GFRAL: variants seen among roughly 807,000 people sequenced by gnomAD.
The protein encoded by GFRAL is GDNF family receptor alpha like.
Under a neutral mutation model 45.4 loss-of-function variants are expected in GFRAL, and 36 were observed. The observed-to-expected ratio is 0.79, with a 90% confidence interval of 0.61 to 1.05. The LOEUF (loss-of-function observed/expected upper bound fraction) is 1.05, where lower values mean the gene tolerates loss of function less well. Among genes scored for constraint, GFRAL ranks in the 50% least tolerant of loss-of-function variants. GFRAL has a pLI of 0.00. For synonymous variants in GFRAL, 166 were observed against 154.1 expected (o/e 1.08, Z -0.57); for missense variants, 507 against 467.5 (o/e 1.08, Z -0.78).
At chr6:55,376,948 T>C (rs912367135) in intron 6 of GFRAL, among the ~76,000 whole-genome samples, 2 of 151,948 alleles carry the variant, frequency 1.3e-5, no homozygotes, top group African/African-American at 4.8e-5. Context: ...GTAGTCGGCT[T>C]TTTCAATGTT....
intron 5 of GFRAL, among the ~76,000 whole-genome samples, chr6:55,358,286 A>C (rs569265964): frequency 1.2e-3 from 183 of 152,092 alleles, no homozygotes; most frequent in African/African-American, 3.8e-3. Flanking sequence ...CATTAATAAA[A>C]ATATATTCTT....
chr6:55,400,808 G>A (rs991536592), intron 8 of GFRAL, among the ~76,000 whole-genome samples: 5 of 152,138 alleles, frequency 3.3e-5, no homozygotes, highest in African/African-American at 1.2e-4. Context: ...TTAAGTACTT[G>A]AGAACACTGT....
intron 6 of GFRAL, among the ~76,000 whole-genome samples, chr6:55,375,228 C>A (rs980055772): frequency 1.3e-5 from 2 of 152,102 alleles, no homozygotes; most frequent in Non-Finnish European, 2.9e-5. Flanking sequence ...TGACCATTTT[C>A]ATGATATTGA....
rs398065821 is a variant in GFRAL, at chr6:55,348,258, G to GTGTT, written c.317-1833_317-1832insGTTT. On this transcript the variant is annotated intron_variant, in intron 3 of 8. Transcript: ENST00000340465. The stretch of plus-strand genomic sequence containing the variant: ...AATGAGTGTGTGTGTGTGTGTGTGT[G>GTGTT]TATGTGTAAATGCTAGTTTTATATT... Among the ~76,000 whole-genome samples, 11 of 147,506 alleles carry GTGTT rather than the reference G, an allele frequency of 7.5e-5. No homozygotes were observed. The South Asian group carries it at 2.1e-3, about 29-fold the overall frequency.
At chr6:55,399,726 T>G (rs1768871546) in intron 8 of GFRAL, among the ~76,000 whole-genome samples, 1 of 152,116 alleles carries the variant, frequency 6.6e-6, no homozygotes, top group South Asian at 2.1e-4. Flanking sequence ...CCCCTTGGCT[T>G]CCCTACCAAA....
intron 6 of GFRAL, among the ~76,000 whole-genome samples, chr6:55,391,731 C>T (rs536120838): frequency 1.3e-5 from 2 of 152,264 alleles, no homozygotes; most frequent in African/African-American, 4.8e-5. Context: ...AAAGCAAGAA[C>T]TTATCTCAAT....
At chr6:55,329,896 T>C (rs958868683) in intron 1 of GFRAL, among the ~76,000 whole-genome samples, 1 of 152,150 alleles carries the variant, frequency 6.6e-6, no homozygotes, top group African/African-American at 2.4e-5. Context: ...CCTATCACTC[T>C]ACATTGTCAC....
At chr6:55,390,275 C>A (rs909982662) in intron 6 of GFRAL, among the ~76,000 whole-genome samples, 8 of 152,180 alleles carry the variant, frequency 5.3e-5, no homozygotes, top group South Asian at 4.1e-4. Flanking sequence ...TATATTATAA[C>A]CCCCCTGAAT....
chr6:55,392,092 T>A (rs1768761318), intron 6 of GFRAL, among the ~76,000 whole-genome samples: 1 of 152,216 alleles, frequency 6.6e-6, no homozygotes, highest in South Asian at 2.1e-4. Context: ...TTCATTGCTC[T>A]CCCTTCTTCC....
At chr6:55,353,465 CAT>C (rs1768146764) in intron 5 of GFRAL, among the ~76,000 whole-genome samples, 1 of 151,972 alleles carries the variant, frequency 6.6e-6, no homozygotes, top group Non-Finnish European at 1.5e-5. Flanking sequence ...AGAGCATTGA[CAT>C]ATTTCGTCAA....
chr6:55,387,283 A>C (rs1768692393), intron 6 of GFRAL, among the ~76,000 whole-genome samples: 1 of 152,120 alleles, frequency 6.6e-6, no homozygotes, highest in Non-Finnish European at 1.5e-5. Flanking sequence ...TCCATTTTCC[A>C]CCCTTATATT....
chr6:55,397,224 T>C (rs947553041), intron 6 of GFRAL, among the ~76,000 whole-genome samples: 1 of 152,006 alleles, frequency 6.6e-6, no homozygotes, highest in Non-Finnish European at 1.5e-5. Flanking sequence ...TAAAACTATT[T>C]TAAAAAAATG....
intron 5 of GFRAL, among the ~76,000 whole-genome samples, chr6:55,353,523 A>G (rs1768147534): frequency 1.3e-5 from 2 of 151,694 alleles, no homozygotes; most frequent in Admixed American, 1.3e-4. Context: ...AGAATTTTTC[A>G]TGCAAATGTG....
intron 6 of GFRAL, among the ~76,000 whole-genome samples, chr6:55,392,114 T>G (rs980064479): frequency 2.6e-5 from 4 of 152,200 alleles, no homozygotes; most frequent in African/African-American, 9.6e-5. Flanking sequence ...ACTTTCATCC[T>G]TCCCTCATAT....
intron 6 of GFRAL, among the ~76,000 whole-genome samples, chr6:55,374,153 T>C (rs1300443693): frequency 6.6e-6 from 1 of 152,202 alleles, no homozygotes; most frequent in Non-Finnish European, 1.5e-5. Context: ...CTATCATTGA[T>C]GGTTATTTAG....
Position 55,362,846 on chromosome 6 carries a change from A to G in GFRAL, c.952+3708A>G, listed in dbSNP as rs144794491. On this transcript the variant is annotated intron_variant, in intron 6 of 8. Coordinates refer to ENST00000340465, the MANE Select transcript of GFRAL (RefSeq NM_207410.2). ...ATCCTCCATGTGGATAATTAAAAGA[A>G]AAAGGAGAAAGAAAAGGAGGAAGAG... Among the ~76,000 whole-genome samples, 613 of 152,010 alleles carry G rather than the reference A, an allele frequency of 4.0e-3. 1 individual carries two copies. The highest frequency in any genetic ancestry group is 0.014 in the African/African-American group (579 of 41,470).
intron 3 of GFRAL, among the ~76,000 whole-genome samples, chr6:55,344,754 C>T (rs1232354926): frequency 6.6e-6 from 1 of 152,078 alleles, no homozygotes; most frequent in Non-Finnish European, 1.5e-5. Flanking sequence ...TCAAATTGTC[C>T]CTGTTTGCAG....
chr6:55,369,275 G>A (rs1183288488), intron 6 of GFRAL, among the ~76,000 whole-genome samples: 1 of 152,182 alleles, frequency 6.6e-6, no homozygotes, highest in Non-Finnish European at 1.5e-5. Context: ...CTTCCCAAGT[G>A]AGGCAATGCC....
intron 6 of GFRAL, among the ~76,000 whole-genome samples, chr6:55,387,588 T>C (rs1768695890): frequency 6.6e-6 from 1 of 152,106 alleles, no homozygotes; most frequent in South Asian, 2.1e-4. Context: ...AGGGACTCTT[T>C]AGAAAAAAAG....
Sources: allele counts gnomAD v4.1 joint callset (sites outside exome capture counted in the v4.1 genomes callset), GRCh38; gene constraint gnomAD v4.1.1; transcripts MANE v1.5; gene names NCBI Gene and HGNC (gene_info 2026-07-23, HGNC 2026-07-21).